TCF25: variants seen among roughly 807,000 people sequenced by gnomAD.
TCF25 encodes the protein TCF25 ribosome quality control complex subunit.
TCF25 carries 41 observed loss-of-function variants against 83.1 expected under a neutral mutation model. The ratio of observed to expected loss-of-function variants is 0.49; its 90% CI spans 0.38 to 0.64. The LOEUF (loss-of-function observed/expected upper bound fraction) is 0.64, where lower values mean the gene tolerates loss of function less well. Ranked by LOEUF, TCF25 falls within the 30% of genes least tolerant of loss-of-function variation. TCF25 has a pLI of 0.00. For synonymous variants in TCF25, 458 were observed against 365.0 expected, an observed-to-expected ratio of 1.25 and a Z score of -2.90; for missense variants, 979 against 914.5, an observed-to-expected ratio of 1.07 and a Z score of -0.91.
chr16:89,873,615 A>G lies in TCF25; in HGVS notation c.-53A>G. ...GAGTGCGCAGGCGCGCCGACAGCCGAGTTTTCTGCGCTTCCTTCTCCCTCT... is the reference window on the plus strand; with the variant it reads ...GAGTGCGCAGGCGCGCCGACAGCCGGGTTTTCTGCGCTTCCTTCTCCCTCT... On this transcript the variant is annotated 5_prime_UTR_variant, in exon 1 of 18. Transcript: ENST00000263346. The G allele has an allele frequency of 7.6e-7, 1 of 1,320,488 alleles. No individual in the cohort carries two copies. The highest frequency in any genetic ancestry group is 9.8e-7 in the Non-Finnish European group (1 of 1,020,576). The allele number at this position is 1,320,488 out of a possible 1,614,324, so 81.8% of individuals were successfully genotyped here.
chr16:89,891,128 C>T (rs2043395267), intron 5 of TCF25, among the ~76,000 whole-genome samples: 1 of 152,236 alleles, frequency 6.6e-6, no homozygotes, highest in Non-Finnish European at 1.5e-5. Context: ...TGCCAGCCTT[C>T]AGAGCTCCTC....
At chr16:89,907,574 T>C (rs140242519) in intron 16 of TCF25, among the ~76,000 whole-genome samples, 23 of 1,920 alleles carry the variant, frequency 0.012, no homozygotes, top group African/African-American at 0.017. Flanking sequence ...CCTCCCAGCT[T>C]CTGCCTCCCT....
chr16:89,896,501 T>C (rs1169550375), intron 9 of TCF25, among the ~76,000 whole-genome samples: 5 of 150,384 alleles, frequency 3.3e-5, no homozygotes, highest in African/African-American at 9.8e-5. Context: ...TGAGCCCAGG[T>C]GTCAAGACCA....
intron 1 of TCF25, among the ~76,000 whole-genome samples, chr16:89,880,658 G>A (rs2042541923): frequency 6.6e-6 from 1 of 152,194 alleles, no homozygotes; most frequent in African/African-American, 2.4e-5. Context: ...GGAGGCTGAG[G>A]CAGGAGGATC....
Position 89,904,142 on chromosome 16 carries a change from G to A in TCF25, c.1406G>A (p.Cys469Tyr), listed in dbSNP as rs371036083. ...GTCCTCCTGCCCCTGCTCGAGTCTTGCAGTGTGCGGCCCGACGCCAGCGTT... is the reference window on the plus strand; with the variant it reads ...GTCCTCCTGCCCCTGCTCGAGTCTTACAGTGTGCGGCCCGACGCCAGCGTT... ...PGVLLPLLES[C>Y]SVRPDASVSS... is the part of the protein sequence containing the mutation. The change falls in exon 13 of 18, where the codon TGC (cysteine) becomes TAC (tyrosine). Residue 469 changes from cysteine (C) to tyrosine (Y), a missense_variant. By Grantham distance (194) the Cys-to-Tyr change is radical. Transcript: ENST00000263346. The A allele has an allele frequency of 1.2e-6, 2 of 1,607,090 alleles. No homozygotes were observed. Among genetic ancestry groups the A allele is most frequent in the East Asian group, 2.2e-5 (1 of 44,638 alleles).
chr16:89,902,461 G>A (rs1440007668), intron 12 of TCF25, among the ~76,000 whole-genome samples: 2 of 115,336 alleles, frequency 1.7e-5, no homozygotes, highest in African/African-American at 6.4e-5. Context: ...AGGCCGAGGT[G>A]GGCGGATCAC....
In TCF25 at chr16:89,892,260, C is replaced by G. The variant is rs199600678; in HGVS notation, c.682C>G (p.Arg228Gly). Residue 228 changes from arginine to glycine, a missense_variant, in exon 6 of 18, where the codon CGC becomes GGC. Coordinates refer to ENST00000263346, the MANE Select transcript of TCF25 (RefSeq NM_014972.3). The stretch of plus-strand genomic sequence containing the variant: ...GACCACCCCTAAAAGCACCTGGCCC[C>G]GCTACAGCAAACCAGGTGAGGGTCT... ...WLTTPKSTWP[R>G]YSKPGLSMRL... 1.2e-6 allele frequency: 2 copies of G among 1,612,362 alleles called. No homozygotes were observed. Among genetic ancestry groups the G allele is most frequent in the South Asian group, 2.2e-5 (2 of 90,846 alleles).
intron 4 of TCF25, among the ~76,000 whole-genome samples, chr16:89,887,070 A>G (rs963733400): frequency 6.6e-6 from 1 of 151,894 alleles, no homozygotes; most frequent in East Asian, 1.9e-4. Flanking sequence ...GGATCTCTCT[A>G]TCACCCAGGC....
chr16:89,892,339 G>A (rs992136577), intron 6 of TCF25, 64 bp downstream of exon 6: 92 of 1,543,260 alleles, frequency 6.0e-5, no homozygotes, highest in African/African-American at 1.7e-4. Context: ...CACTGGCCCC[G>A]GTACAGCAAA....
chr16:89,906,425 A>G (rs2044790643), intron 15 of TCF25, 141 bp downstream of exon 15: 2 of 724,112 alleles, frequency 2.8e-6, no homozygotes, highest in Non-Finnish European at 4.6e-6. Context: ...GGCAGGGTCT[A>G]GTGCAGAGGG....
At chr16:89,898,103 C>T (rs1337230258) in intron 9 of TCF25, among the ~76,000 whole-genome samples, 3 of 148,732 alleles carry the variant, frequency 2.0e-5, no homozygotes, top group Non-Finnish European at 3.0e-5. Context: ...AGCGAGACTC[C>T]GTCTCAAAAA....
In TCF25 at chr16:89,892,222, A is replaced by G. The variant is rs760302624; in HGVS notation, c.644A>G (p.Lys215Arg). ...CGGCAGAGACAACGTGTGTACCCCA[A>G]GTGCACATGGCTGACCACCCCTAAA... The part of the protein sequence containing the change: ...RPRQRQRVYP[K>R]CTWLTTPKST... Residue 215 changes from lysine to arginine, a missense_variant, in exon 6 of 18, where the codon AAG (lysine) becomes AGG (arginine). Transcript: ENST00000263346. 1.2e-6 allele frequency: 2 copies of G among 1,612,694 alleles called. No individual in the cohort carries two copies. The highest frequency in any genetic ancestry group is 1.1e-5 in the South Asian group (1 of 90,928).
chr16:89,908,902 G>T, intron 16 of TCF25: 1 of 1,278,732 alleles, frequency 7.8e-7, no homozygotes, highest in South Asian at 1.2e-5. Context: ...GGGACTGGCT[G>T]CCTCTTTCAG....
intron 1 of TCF25, among the ~76,000 whole-genome samples, chr16:89,881,045 G>A (rs574825476): frequency 2.0e-5 from 3 of 152,270 alleles, no homozygotes; most frequent in South Asian, 2.1e-4. Flanking sequence ...TACATAACAC[G>A]TCTATACTGC....
chr16:89,882,508 G>A (rs2042683458), intron 1 of TCF25, among the ~76,000 whole-genome samples: 2 of 152,194 alleles, frequency 1.3e-5, no homozygotes, highest in African/African-American at 4.8e-5. Flanking sequence ...CTGCACTGCA[G>A]CCTGGATGAC....
At chr16:89,873,932 G>A in intron 1 of TCF25, 73 bp downstream of exon 1, 2 of 1,442,048 alleles carry the variant, frequency 1.4e-6, no homozygotes, top group African/African-American at 1.5e-5. Flanking sequence ...CGTCCAGCCG[G>A]GTCGGGGAGC....
At chr16:89,894,550 A>T (rs1597334044) in intron 7 of TCF25, among the ~76,000 whole-genome samples, 1 of 152,220 alleles carries the variant, frequency 6.6e-6, no homozygotes, top group Non-Finnish European at 1.5e-5. Context: ...TGGCCTGGGC[A>T]TGTCAGGTTC....
chr16:89,893,593 A>G (rs2144119940), intron 6 of TCF25, 135 bp from the exon 7 acceptor site: 3 of 1,388,886 alleles, frequency 2.2e-6, no homozygotes, highest in Middle Eastern at 5.2e-4. Context: ...GGTGACACCC[A>G]TGAGTACACA....
intron 1 of TCF25, among the ~76,000 whole-genome samples, chr16:89,881,439 G>A (rs889518922): frequency 1.3e-5 from 2 of 152,086 alleles, no homozygotes; most frequent in African/African-American, 4.8e-5. Flanking sequence ...GCTGGTCTCT[G>A]TTAGCTTTTT....
Sources: gnomAD v4.1 joint callset for allele counts (sites outside exome capture counted in the v4.1 genomes callset) on GRCh38, gnomAD v4.1.1 for gene constraint, MANE v1.5 for transcripts, NCBI Gene and HGNC (gene_info 2026-07-23, HGNC 2026-07-21) for gene names.